ERC2: variants seen among roughly 807,000 people sequenced by gnomAD.
ERC2 encodes ERC protein 2.
In ERC2, 42 loss-of-function variants were observed where a neutral mutation model predicts 114.8. That is an observed-to-expected ratio of 0.37 (90% CI 0.29 to 0.47). ERC2 has a LOEUF of 0.47. Among genes scored for constraint, ERC2 ranks in the 20% least tolerant of loss-of-function variants. ERC2 has a pLI of 0.99. For synonymous variants in ERC2, 454 were observed against 425.5 expected (o/e 1.07, Z -0.82); for missense variants, 939 against 1,150.7 (o/e 0.82, Z 2.66).
intron 17 of ERC2, among the ~76,000 whole-genome samples, chr3:55,668,889 G>A (rs2061453537): frequency 6.6e-6 from 1 of 152,168 alleles, no homozygotes; most frequent in South Asian, 2.1e-4. Context: ...TTTAGCTTCT[G>A]TTGAGGTGCA....
At chr3:55,806,416 T>G (rs561521309) in intron 14 of ERC2, among the ~76,000 whole-genome samples, 5 of 151,456 alleles carry the variant, frequency 3.3e-5, no homozygotes, top group Non-Finnish European at 7.4e-5. Flanking sequence ...TGATCTGGGC[T>G]AGGAAGAGAG....
intron 17 of ERC2, among the ~76,000 whole-genome samples, chr3:55,561,090 A>G (rs142649768): frequency 1.4e-4 from 21 of 152,166 alleles, no homozygotes; most frequent in African/African-American, 5.1e-4. Context: ...CAGTTCAGGC[A>G]GAAGCTTTAG....
intron 10 of ERC2, among the ~76,000 whole-genome samples, chr3:55,998,830 T>C (rs1359254397): frequency 1.3e-5 from 2 of 152,142 alleles, no homozygotes; most frequent in African/African-American, 4.8e-5. Context: ...AACACTTACG[T>C]AAAATGTGAG....
At chr3:55,769,122 C>T (rs2068023244) in intron 14 of ERC2, among the ~76,000 whole-genome samples, 1 of 152,106 alleles carries the variant, frequency 6.6e-6, no homozygotes, top group Non-Finnish European at 1.5e-5. Context: ...CGCTTGGAGG[C>T]CTCCGAAGGC....
At chr3:56,391,021 T>C (rs1262765556) in intron 2 of ERC2, among the ~76,000 whole-genome samples, 1 of 152,194 alleles carries the variant, frequency 6.6e-6, no homozygotes, top group African/African-American at 2.4e-5. Context: ...TTTAGTTTCT[T>C]CGTCAGTTTA....
intron 3 of ERC2, among the ~76,000 whole-genome samples, chr3:56,239,434 T>C (rs1334752180): frequency 6.6e-6 from 1 of 151,996 alleles, no homozygotes; most frequent in Non-Finnish European, 1.5e-5. Flanking sequence ...TGAACCCAGG[T>C]GGCAGAGGTT....
chr3:56,187,982 C>T (rs561558999), intron 3 of ERC2, among the ~76,000 whole-genome samples: 14 of 152,202 alleles, frequency 9.2e-5, no homozygotes, highest in South Asian at 8.3e-4. Context: ...GGAACCAGCA[C>T]GCAAACACCT....
intron 6 of ERC2, among the ~76,000 whole-genome samples, chr3:56,127,895 C>T (rs1485275235): frequency 6.6e-6 from 1 of 151,976 alleles, no homozygotes; most frequent in South Asian, 2.1e-4. Flanking sequence ...ATAAATGGTA[C>T]TGGGAAAACT....
At chr3:55,905,694 C>G (rs977959986) in intron 13 of ERC2, among the ~76,000 whole-genome samples, 2 of 152,178 alleles carry the variant, frequency 1.3e-5, no homozygotes, top group African/African-American at 4.8e-5. Flanking sequence ...CTGCAGCTGA[C>G]AAGGGCCCTG....
At chr3:56,315,959 G>A (rs1185558290) in intron 2 of ERC2, among the ~76,000 whole-genome samples, 1 of 152,074 alleles carries the variant, frequency 6.6e-6, no homozygotes, top group Non-Finnish European at 1.5e-5. Flanking sequence ...ATCGAAGTAA[G>A]CCCTTACTAA....
chr3:56,091,817 C>T (rs1430507598), intron 6 of ERC2, among the ~76,000 whole-genome samples: 4 of 152,058 alleles, frequency 2.6e-5, no homozygotes, highest in African/African-American at 4.8e-5. Flanking sequence ...CCTTTCAAGG[C>T]GTCTAGTTAA....
chr3:55,853,596 C>A, intron 14 of ERC2, among the ~76,000 whole-genome samples: 1 of 152,134 alleles, frequency 6.6e-6, no homozygotes. Context: ...ATTAGATATA[C>A]TCTAATCTGC....
intron 1 of ERC2, among the ~76,000 whole-genome samples, chr3:56,466,880 C>CT (rs2063568051): frequency 6.6e-6 from 1 of 152,164 alleles, no homozygotes; most frequent in African/African-American, 2.4e-5. Context: ...CATGTTGTCT[C>CT]TTATAAAGAC....
chr3:55,702,924 ACT>A (rs1342205952), intron 15 of ERC2, among the ~76,000 whole-genome samples: 11 of 152,214 alleles, frequency 7.2e-5, no homozygotes, highest in African/African-American at 2.7e-4. Context: ...TTAGCGATTC[ACT>A]GAGGCCCATT....
chr3:55,839,548 A>C (rs912122057), intron 14 of ERC2, among the ~76,000 whole-genome samples: 3 of 151,952 alleles, frequency 2.0e-5, no homozygotes, highest in Non-Finnish European at 4.4e-5. Context: ...GCAAAAGCAC[A>C]AAAGACAGAA....
intron 14 of ERC2, among the ~76,000 whole-genome samples, chr3:55,845,477 C>T (rs1189200035): frequency 1.5e-5 from 2 of 129,752 alleles, no homozygotes; most frequent in African/African-American, 6.0e-5. Flanking sequence ...GCACTCCAGC[C>T]TGGGCGACAG....
intron 6 of ERC2, among the ~76,000 whole-genome samples, chr3:56,100,678 A>T (rs2078304476): frequency 6.6e-6 from 1 of 152,230 alleles, no homozygotes; most frequent in Admixed American, 6.5e-5. Context: ...CCCTACGAAC[A>T]TGAAAAAATG....
At chr3:56,345,664 G>A (rs779866397) in intron 2 of ERC2, among the ~76,000 whole-genome samples, 1 of 152,356 alleles carries the variant, frequency 6.6e-6, no homozygotes, top group African/African-American at 2.4e-5. Flanking sequence ...GCAGAAACTA[G>A]TGGCAGGGCT....
At chr3:56,403,510 G>C (rs2060597263) in intron 2 of ERC2, among the ~76,000 whole-genome samples, 1 of 152,196 alleles carries the variant, frequency 6.6e-6, no homozygotes. Context: ...CCATTGGACA[G>C]AGCTCCTCTG....
Sources: allele counts gnomAD v4.1 joint callset (sites outside exome capture counted in the v4.1 genomes callset), GRCh38; gene constraint gnomAD v4.1.1; transcripts MANE v1.5; gene names NCBI Gene and HGNC (gene_info 2026-07-23, HGNC 2026-07-21).